The following AGMO variants were observed in gnomAD, a reference collection of about 807,000 sequenced individuals.
AGMO encodes glyceryl-ether monooxygenase.
AGMO carries 75 observed loss-of-function variants against 60.2 expected under a neutral mutation model. The observed-to-expected ratio is 1.25, with a 90% CI of 1.03 to 1.51. AGMO has a LOEUF of 1.51. AGMO is among the 40% of genes most tolerant of loss of function. AGMO has a pLI of 0.00. For synonymous variants in AGMO, 261 were observed against 177.1 expected, an observed-to-expected ratio of 1.47 and a Z score of -3.76; for missense variants, 763 against 525.5, an observed-to-expected ratio of 1.45 and a Z score of -4.42.
intron 3 of AGMO, among the ~76,000 whole-genome samples, chr7:15,541,049 T>C (rs1301554071): frequency 2.6e-5 from 4 of 152,188 alleles, no homozygotes; most frequent in African/African-American, 2.4e-5. Context: ...TTTTCTTACA[T>C]GTTTAGTGTA....
chr7:15,216,966 G>A (rs997528767), intron 12 of AGMO, among the ~76,000 whole-genome samples: 9 of 151,912 alleles, frequency 5.9e-5, no homozygotes, highest in African/African-American at 2.2e-4. Context: ...TCCATAAAGT[G>A]TCCTAATTCA....
intron 12 of AGMO, among the ~76,000 whole-genome samples, chr7:15,221,221 G>C (rs1781911703): frequency 6.6e-6 from 1 of 152,082 alleles, no homozygotes; most frequent in South Asian, 2.1e-4. Flanking sequence ...CAGAGTTACA[G>C]GGTGACTTCC....
the AGMO span, among the ~76,000 whole-genome samples, chr7:15,146,251 T>G: frequency 2.6e-5 from 4 of 152,206 alleles, no homozygotes; most frequent in Non-Finnish European, 5.9e-5. Flanking sequence ...TCTGAAAGGT[T>G]AATATTTTCT....
rs199615017 is a variant in AGMO at position 15,260,023 on chromosome 7, G to GA, written c.1264-58665dup. Among the ~76,000 whole-genome samples the GA allele has an allele frequency of 6.2e-3, 845 of 136,434 alleles. 4 individuals are homozygous for GA. The highest frequency in any genetic ancestry group is 6.8e-3 in the Non-Finnish European group (433 of 63,274). The allele number at this position is 136,434 out of a possible 152,430, so 89.5% of individuals were successfully genotyped here. A position where few individuals can be genotyped will look rare whatever the true frequency, so the allele number is the denominator to read the frequency against. ...AGGACCTATATAACAATAACACAAT[G>GA]AAAAAAAAACCCAAAGTATTTAGGC... is the stretch of plus-strand genomic sequence containing the variant. On this transcript the variant is annotated intron_variant, in intron 12 of 12. Coordinates refer to ENST00000342526, the MANE Select transcript of AGMO (RefSeq NM_001004320.2).
intron 3 of AGMO, among the ~76,000 whole-genome samples, chr7:15,501,186 T>C (rs1783377190): frequency 6.6e-6 from 1 of 152,012 alleles, no homozygotes; most frequent in Non-Finnish European, 1.5e-5. Context: ...GTTCCATAAA[T>C]GTCTATTAGG....
intron 4 of AGMO, among the ~76,000 whole-genome samples, chr7:15,429,289 T>C (rs768090462): frequency 1.4e-4 from 21 of 152,092 alleles, no homozygotes; most frequent in Non-Finnish European, 2.2e-4. Context: ...AATAATTAGT[T>C]AAGATTATTA....
At chr7:15,365,682 A>G (rs932658464) in intron 11 of AGMO, 63 bp from the exon 12 acceptor site, 10 of 1,084,490 alleles carry the variant, frequency 9.2e-6, no homozygotes, top group African/African-American at 1.6e-5. Flanking sequence ...TTCACATGTT[A>G]TAATTAATAT....
At chr7:15,168,108 G>A in the AGMO span, among the ~76,000 whole-genome samples, 1 of 152,184 alleles carries the variant, frequency 6.6e-6, no homozygotes, top group African/African-American at 2.4e-5. Context: ...ATTGCACAGG[G>A]TGTGGCCAGT....
chr7:15,532,637 TC>T (rs1307205399), intron 3 of AGMO, among the ~76,000 whole-genome samples: 10 of 152,242 alleles, frequency 6.6e-5, no homozygotes, highest in Middle Eastern at 3.4e-3. Flanking sequence ...TGAAGAAGAT[TC>T]AAAATCTTGA....
At chr7:15,425,119 C>T (rs1781026476) in intron 4 of AGMO, among the ~76,000 whole-genome samples, 1 of 151,966 alleles carries the variant, frequency 6.6e-6, no homozygotes, top group South Asian at 2.1e-4. Flanking sequence ...TCAAAATAAC[C>T]ACATGAGAAG....
At chr7:15,232,502 C>T (rs942453919) in intron 12 of AGMO, among the ~76,000 whole-genome samples, 12 of 152,086 alleles carry the variant, frequency 7.9e-5, no homozygotes, top group African/African-American at 2.4e-4. Flanking sequence ...GAGCCTTGCA[C>T]CACTGCTAAT....
intron 12 of AGMO, among the ~76,000 whole-genome samples, chr7:15,354,496 GTATATATATATATATATATATATATATA>G (rs60044874): frequency 1.6e-4 from 3 of 18,780 alleles, no homozygotes; most frequent in East Asian, 1.7e-3. Flanking sequence ...ATACACACGT[GTATATATATATATATATATATATATATA>G]TATATATATA....
intron 2 of AGMO, among the ~76,000 whole-genome samples, chr7:15,555,032 A>T (rs1187821927): frequency 2.6e-5 from 4 of 151,958 alleles, no homozygotes; most frequent in Non-Finnish European, 5.9e-5. Context: ...AGCAAGTTTC[A>T]GAATAAGTAG....
chr7:15,505,649 A>T (rs1783494493), intron 3 of AGMO, among the ~76,000 whole-genome samples: 1 of 152,044 alleles, frequency 6.6e-6, no homozygotes, highest in Non-Finnish European at 1.5e-5. Context: ...AGAGAACATA[A>T]CATGAACATA....
intron 9 of AGMO, among the ~76,000 whole-genome samples, chr7:15,386,159 CAACAGTCCCA>C (rs1783902003): frequency 2.8e-5 from 4 of 145,224 alleles, no homozygotes; most frequent in Non-Finnish European, 6.0e-5. Flanking sequence ...CCAACCTGGG[CAACAGTCCCA>C]AAAGAAAAAA....
At chr7:15,176,841 A>C in the AGMO span, among the ~76,000 whole-genome samples, 3 of 152,002 alleles carry the variant, frequency 2.0e-5, no homozygotes, top group East Asian at 5.8e-4. Flanking sequence ...CTGAAATCAT[A>C]GGCTTCTGAC....
the AGMO span, among the ~76,000 whole-genome samples, chr7:15,165,132 A>G: frequency 6.6e-6 from 1 of 152,306 alleles, no homozygotes; most frequent in East Asian, 1.9e-4. Flanking sequence ...ATAATTCAAG[A>G]TATAGACAAA....
chr7:15,354,502 A>ACACACGTG (rs1201404672), intron 12 of AGMO, among the ~76,000 whole-genome samples: 1 of 21,132 alleles, frequency 4.7e-5, no homozygotes, highest in African/African-American at 3.3e-4. Flanking sequence ...ACGTGTATAT[A>ACACACGTG]TATATATATA....
At chr7:15,462,801 T>G (rs962533005) in intron 3 of AGMO, among the ~76,000 whole-genome samples, 2 of 152,148 alleles carry the variant, frequency 1.3e-5, no homozygotes, top group Non-Finnish European at 2.9e-5. Context: ...AATGAATCCA[T>G]GCAAAATAGG....
Sources: gnomAD v4.1 joint callset for allele counts (sites outside exome capture counted in the v4.1 genomes callset) on GRCh38, gnomAD v4.1.1 for gene constraint, MANE v1.5 for transcripts, NCBI Gene and HGNC (gene_info 2026-07-23, HGNC 2026-07-21) for gene names.